The following NFIB variants were observed in gnomAD, a reference collection of about 807,000 sequenced individuals.
The protein encoded by NFIB is nuclear factor 1 B-type.
In NFIB, 11 loss-of-function variants were observed where a neutral mutation model predicts 61.5. That is an observed-to-expected ratio of 0.18 (90% CI 0.11 to 0.30). NFIB has a LOEUF of 0.30. Ranked by LOEUF, NFIB falls within the 10% of genes least tolerant of loss-of-function variation. The pLI, the probability that NFIB is intolerant of heterozygous loss-of-function variation, is 1.00. For missense variants in NFIB, 471 were observed against 608.9 expected, an observed-to-expected ratio of 0.77 and a Z score of 2.38; for synonymous variants, 260 against 216.5, an observed-to-expected ratio of 1.20 and a Z score of -1.76.
At chr9:14,359,068 G>A (rs2061208993) in intron 1 of NFIB, among the ~76,000 whole-genome samples, 1 of 152,160 alleles carries the variant, frequency 6.6e-6, no homozygotes, top group Admixed American at 6.5e-5. Context: ...TTGATAGCTT[G>A]AAGTTGGCCA....
At chr9:14,366,466 C>T (rs1254721325) in intron 1 of NFIB, among the ~76,000 whole-genome samples, 1 of 152,008 alleles carries the variant, frequency 6.6e-6, no homozygotes, top group African/African-American at 2.4e-5. Context: ...AACCTTCTGA[C>T]CACAGATTTT....
At chr9:14,251,827 G>A (rs1410530143) in intron 2 of NFIB, among the ~76,000 whole-genome samples, 1 of 152,216 alleles carries the variant, frequency 6.6e-6, no homozygotes, top group African/African-American at 2.4e-5. Context: ...AAACAAACAG[G>A]TCCAACTTTT....
At chr9:14,518,377 A>G in the NFIB span, among the ~76,000 whole-genome samples, 1 of 152,074 alleles carries the variant, frequency 6.6e-6, no homozygotes, top group Non-Finnish European at 1.5e-5. Flanking sequence ...TTCTGTACCC[A>G]TCTCTGTCAC....
At chr9:14,488,626 T>C in the NFIB span, among the ~76,000 whole-genome samples, 1 of 152,118 alleles carries the variant, frequency 6.6e-6, no homozygotes, top group African/African-American at 2.4e-5. Flanking sequence ...AATGTGTACC[T>C]CTAGGTGGTG....
At chr9:14,343,816 TG>T (rs372762303) in intron 1 of NFIB, among the ~76,000 whole-genome samples, 40 of 39,988 alleles carry the variant, frequency 1.0e-3, no homozygotes, top group African/African-American at 3.0e-3. Flanking sequence ...AAGGGCTGCT[TG>T]GGGACAAGGG....
chr9:14,519,305 G>A, the NFIB span, among the ~76,000 whole-genome samples: 19 of 152,092 alleles, frequency 1.2e-4, no homozygotes, highest in African/African-American at 4.6e-4. Flanking sequence ...AAGTAAGATT[G>A]GATCTCTGCT....
At chr9:14,143,182 TGAAAA>T (rs2041940549) in intron 6 of NFIB, among the ~76,000 whole-genome samples, 1 of 152,122 alleles carries the variant, frequency 6.6e-6, no homozygotes, top group Non-Finnish European at 1.5e-5. Flanking sequence ...CTTTTTGTTT[TGAAAA>T]GAAATTACAT....
intron 2 of NFIB, among the ~76,000 whole-genome samples, chr9:14,182,404 G>C (rs1470755560): frequency 1.3e-5 from 2 of 152,038 alleles, no homozygotes; most frequent in Admixed American, 1.3e-4. Flanking sequence ...GCAAATGATA[G>C]AGCATTTACT....
chr9:14,232,263 G>C (rs1488609820), intron 2 of NFIB, among the ~76,000 whole-genome samples: 1 of 152,110 alleles, frequency 6.6e-6, no homozygotes, highest in African/African-American at 2.4e-5. Context: ...TCTCATACAA[G>C]AGCCACTTCT....
At chr9:14,362,271 G>T (rs1312135054) in intron 1 of NFIB, 1 of 152,164 alleles carries the variant, frequency 6.6e-6, no homozygotes, top group African/African-American at 2.4e-5. Context: ...CAATGACTTG[G>T]AATGACTACA....
chr9:14,186,829 C>T (rs1002137607), intron 2 of NFIB, among the ~76,000 whole-genome samples: 1 of 151,906 alleles, frequency 6.6e-6, no homozygotes, highest in Non-Finnish European at 1.5e-5. Flanking sequence ...TGCTTCATTG[C>T]TTTGGGTGAC....
chr9:14,361,461 AAG>A (rs2061240176), intron 1 of NFIB: 1 of 152,310 alleles, frequency 6.6e-6, no homozygotes, highest in African/African-American at 2.4e-5. Context: ...ACTGATCAAA[AAG>A]AGAATTGTTC....
chr9:14,323,648 G>A (rs747493379), intron 1 of NFIB, among the ~76,000 whole-genome samples: 39 of 152,160 alleles, frequency 2.6e-4, no homozygotes, highest in Non-Finnish European at 5.1e-4. Context: ...AGTGAGACTA[G>A]AATAGCTCCC....
At chr9:14,123,776 T>C (rs1469737232) in intron 7 of NFIB, among the ~76,000 whole-genome samples, 2 of 151,986 alleles carry the variant, frequency 1.3e-5, no homozygotes, top group Non-Finnish European at 2.9e-5. Context: ...TTTGCCCCTC[T>C]GCCTCCCAGT....
chr9:14,200,498 T>C (rs1254880394), intron 2 of NFIB, among the ~76,000 whole-genome samples: 4 of 152,202 alleles, frequency 2.6e-5, no homozygotes, highest in African/African-American at 9.6e-5. Context: ...TAAGTCTAAG[T>C]ATGTGTTTCA....
At chr9:14,265,535 T>TG (rs1288334012) in intron 2 of NFIB, among the ~76,000 whole-genome samples, 6 of 152,194 alleles carry the variant, frequency 3.9e-5, no homozygotes, top group Admixed American at 3.9e-4. Context: ...ACCTTGCCAG[T>TG]GCCTTGATCT....
At chr9:14,488,824 A>G in the NFIB span, among the ~76,000 whole-genome samples, 4 of 152,332 alleles carry the variant, frequency 2.6e-5, no homozygotes, top group African/African-American at 9.6e-5. Context: ...GAAACCTGAA[A>G]CTTTTAAAAA....
chr9:14,095,165 C>T lies in NFIB; in HGVS notation c.1468-6839G>A, dbSNP rs924279010. Among the ~76,000 whole-genome samples, 15 of 152,024 alleles carry T rather than the reference C, an allele frequency of 9.9e-5. 1 individual carries two copies. Among genetic ancestry groups the T allele is most frequent in the Middle Eastern group, 6.8e-3 (2 of 294 alleles). On this transcript the variant is annotated intron_variant, in intron 10 of 10. Coordinates refer to ENST00000380953, the MANE Select transcript of NFIB (RefSeq NM_001190737.2). ...TAAATAAAAACTTCCTTAAAATGTT[C>T]GGTTTAAACATAAATAAGAAAAAAG...
At chr9:14,505,284 A>G in the NFIB span, among the ~76,000 whole-genome samples, 2 of 152,106 alleles carry the variant, frequency 1.3e-5, no homozygotes, top group Admixed American at 6.5e-5. Context: ...TTTTGCATGT[A>G]TGTTCATCAG....
Sources: allele counts gnomAD v4.1 joint callset (sites outside exome capture counted in the v4.1 genomes callset), GRCh38; gene constraint gnomAD v4.1.1; transcripts MANE v1.5; gene names NCBI Gene and HGNC (gene_info 2026-07-23, HGNC 2026-07-21).